Variants in WIZ observed in about 807,000 individuals in gnomAD.
WIZ encodes the protein protein Wiz.
WIZ carries 25 observed loss-of-function variants against 140.2 expected under a neutral mutation model. The observed-to-expected ratio is 0.18, with a 90% confidence interval of 0.13 to 0.25. The LOEUF (loss-of-function observed/expected upper bound fraction) is 0.25, where lower values mean the gene tolerates loss of function less well. WIZ is among the 10% of genes least tolerant of loss of function. The pLI, the probability that WIZ is intolerant of heterozygous loss-of-function variation, is 1.00. For missense variants in WIZ, 2,231 were observed against 2,632.6 expected (o/e 0.85, Z 3.34); for synonymous variants, 1,125 against 1,154.3 (o/e 0.97, Z 0.51).
Position 15,429,903 on chromosome 19 carries a change from G to A in WIZ, c.3098C>T (p.Pro1033Leu). The A allele has an allele frequency of 1.3e-6, 2 of 1,535,968 alleles. No individual in the cohort carries two copies. The highest frequency in any genetic ancestry group is 1.2e-5 in the South Asian group (1 of 84,064). ...GCTGGACTTCTTAGCCAGGCCTGGGGGCAGCCCAAGGTGGGCGTCAGGCAG... is the reference window on the plus strand; with the variant it reads ...GCTGGACTTCTTAGCCAGGCCTGGGAGCAGCCCAAGGTGGGCGTCAGGCAG... ...KGLPDAHLGLPPGLAKKSSSL... is the reference protein window; with the variant it reads ...KGLPDAHLGLLPGLAKKSSSL... The change falls in exon 7 of 13, where the codon CCC becomes CTC. Residue 1033 changes from proline (P) to leucine (L), a missense_variant. Around this residue, in one of 15 missense-constraint regions of WIZ, gnomAD observed 163 missense variants for 166.8 expected, o/e 0.98. Transcript: ENST00000673675.
chr19:15,429,733 G>T lies in WIZ; in HGVS notation c.3268C>A (p.Leu1090Ile), dbSNP rs1273353420. ...KGLGHPPSSPLLKKTPLALAG... is the reference protein window; with the variant it reads ...KGLGHPPSSPILKKTPLALAG... ...AGGGCCAGTGGTGTCTTTTTGAGGA[G>T]TGGAGAGCTGGGCGGGTGGCCCAGG... The change falls in exon 7 of 13, where the codon CTC becomes ATC. Residue 1090 changes from leucine (L) to isoleucine (I), a missense_variant. By Grantham distance (5) the Leu-to-Ile change is conservative (BLOSUM62 2). Transcript: ENST00000673675. 6.8e-7 allele frequency: 1 copy of T among 1,471,678 alleles called. No individual in the cohort carries two copies. The highest frequency in any genetic ancestry group is 2.4e-5 in the Admixed American group (1 of 40,968). The allele number at this position is 1,471,678 out of a possible 1,614,324, so 91.2% of individuals were successfully genotyped here.
intron 9 of WIZ, 101 bp downstream of exon 9, chr19:15,426,881 C>A: frequency 7.1e-7 from 1 of 1,405,262 alleles, no homozygotes; most frequent in Non-Finnish European, 9.6e-7. Flanking sequence ...TGCGTGTCCT[C>A]CCTTCCAATT....
rs1968928843 is a variant in WIZ, at chr19:15,427,616, G to A, written c.3815-83C>T. On this transcript the variant is annotated intron_variant, in intron 8 of 12. Coordinates refer to ENST00000673675, the MANE Select transcript of WIZ (RefSeq NM_001371589.1). This position sits in a 1 kb window ranked among gnomAD's most constrained non-coding sequence, Gnocchi z 6.4. Reference sequence around the variant, plus strand: ...GCAGGAGTGTCCTGGTCGGCTGGGCGTGGGCGGCAGCAGCACGCCCACAGG... The same window carrying A: ...GCAGGAGTGTCCTGGTCGGCTGGGCATGGGCGGCAGCAGCACGCCCACAGG... 6.9e-6 allele frequency: 10 copies of A among 1,451,526 alleles called. No individual in the cohort carries two copies. The highest frequency in any genetic ancestry group is 6.7e-5 in the Admixed American group (3 of 44,660). 89.9% of individuals were successfully genotyped at this position (1,451,526 alleles called of 1,614,324 possible). A position where few individuals can be genotyped will look rare whatever the true frequency, so the allele number is the denominator to read the frequency against.
chr19:15,434,540 G>A (rs1969446304), intron 5 of WIZ, among the ~76,000 whole-genome samples: 2 of 148,696 alleles, frequency 1.3e-5, no homozygotes, highest in South Asian at 4.2e-4. Flanking sequence ...TCCAGCCTGG[G>A]CGACAGAGCG....
intron 5 of WIZ, chr19:15,433,399 G>C (rs1347720465): frequency 1.0e-6 from 1 of 977,750 alleles, no homozygotes; most frequent in Non-Finnish European, 1.2e-6. Context: ...TAGGGAGAGG[G>C]GGCAGGCTTC....
In WIZ at chr19:15,436,871, C is replaced by CG; in HGVS notation, c.2674dup (p.Arg892ProfsTer14). 1 of 1,612,444 alleles carries CG rather than the reference C, an allele frequency of 6.2e-7. No individual in the cohort carries two copies. The highest frequency in any genetic ancestry group is 8.5e-7 in the Non-Finnish European group (1 of 1,179,380). ...TGGAAAGGGCACCGTGAGAGGTAAGCGGGGCCGACGGGAGGTCAGGAAGCT... is the reference window on the plus strand; with the variant it reads ...TGGAAAGGGCACCGTGAGAGGTAAGCGGGGGCCGACGGGAGGTCAGGAAGCT... On this transcript the variant is annotated frameshift_variant, in exon 5 of 13. Transcript: ENST00000673675. LOFTEE classifies it high-confidence loss of function.
intron 6 of WIZ, 136 bp from the exon 7 acceptor site, chr19:15,430,225 A>C: frequency 1.3e-5 from 16 of 1,264,980 alleles, no homozygotes; most frequent in African/African-American, 4.5e-5. Context: ...CCCAAACCTC[A>C]CAATGACCCT....
Position 15,430,977 on chromosome 19 carries a change from C to T in WIZ, c.2911+35G>A, listed in dbSNP as rs887589780. On this transcript the variant is annotated intron_variant, in intron 6 of 12. Coordinates refer to ENST00000673675, the MANE Select transcript of WIZ (RefSeq NM_001371589.1). ...GCTCCTGTGAGTGTAACCAGCCTGG[C>T]CAGCATCCCCTGCCATGCCACCTGG... 57 of 1,494,178 alleles carry T rather than the reference C, an allele frequency of 3.8e-5. No homozygotes were observed. In the African/African-American group the frequency reaches 6.8e-4, roughly 18 times the overall value. 92.6% of individuals were successfully genotyped at this position (1,494,178 alleles called of 1,614,324 possible). A position where few individuals can be genotyped will look rare whatever the true frequency, so the allele number is the denominator to read the frequency against.
At chr19:15,448,493 G>A (rs1408492583) in intron 1 of WIZ, 126 bp from the exon 2 acceptor site, 5 of 705,758 alleles carry the variant, frequency 7.1e-6, no homozygotes, top group Non-Finnish European at 1.2e-5. Context: ...CCAGCCCAGG[G>A]GAGCTAATGG....
At chr19:15,423,740 G>C (rs777417040) in intron 12 of WIZ, among the ~76,000 whole-genome samples, 3 of 152,258 alleles carry the variant, frequency 2.0e-5, no homozygotes, top group African/African-American at 4.8e-5. Context: ...CCAGTTCGCT[G>C]CTCTTCAATG....
chr19:15,441,175 C>T (rs1264472725), intron 3 of WIZ, among the ~76,000 whole-genome samples: 1 of 152,178 alleles, frequency 6.6e-6, no homozygotes, highest in Non-Finnish European at 1.5e-5. Context: ...AACTTTGTGG[C>T]AGAACAGTTC....
Position 15,428,205 on chromosome 19 carries a change from C to A in WIZ, c.3719G>T (p.Gly1240Val). Residue 1240 changes from glycine to valine, a missense_variant, in exon 8 of 13, where the codon GGT becomes GTT. Gly to Val is a moderately radical substitution (Grantham distance 109). This residue lies in a region of WIZ where 141 missense variants were observed against 161.2 expected (regional missense o/e 0.87). Transcript: ENST00000673675. The surrounding 1 kb of genome is among the most constrained non-coding windows in gnomAD (Gnocchi z 6.4). ...PAKKAKLKAA[G>V]MASPWGKQDL... ...CTGCTTCCCCCAGGGGCTGGCCATA[C>A]CCGCGGCCTTCAGCTTGGCCTTCTT... The A allele has an allele frequency of 2.6e-6, 4 of 1,533,928 alleles. No individual in the cohort carries two copies. The highest frequency in any genetic ancestry group is 2.6e-6 in the Non-Finnish European group (3 of 1,146,534).
At chr19:15,433,911 T>C in intron 5 of WIZ, among the ~76,000 whole-genome samples, 1 of 152,192 alleles carries the variant, frequency 6.6e-6, no homozygotes, top group Non-Finnish European at 1.5e-5. Context: ...TGGGTCTGAC[T>C]GAGCCCAGAG....
intron 5 of WIZ, among the ~76,000 whole-genome samples, chr19:15,434,123 T>C (rs1270446141): frequency 1.3e-5 from 2 of 151,656 alleles, no homozygotes; most frequent in Non-Finnish European, 2.9e-5. Context: ...CTGGGCATGG[T>C]GGTGGGCGCC....
rs866255281 is a variant in WIZ, at chr19:15,424,528, G to A, written c.5314+85C>T. On this transcript the variant is annotated intron_variant, in intron 11 of 12. Transcript: ENST00000673675. The surrounding 1 kb of genome is among the most constrained non-coding windows in gnomAD (Gnocchi z 9.7). ...TAAGCAACTGGAGAAAGGACTTAAG[G>A]GCCACAGCAGAGCGCCTGGGGAGTG... 254 of 1,530,928 alleles carry A rather than the reference G, an allele frequency of 1.7e-4. No homozygotes were observed. In the Middle Eastern group the frequency reaches 3.4e-3, roughly 20 times the overall value. The allele number at this position is 1,530,928 out of a possible 1,614,324, so 94.8% of individuals were successfully genotyped here.
chr19:15,432,451 G>GCGGGCC (rs1339738152), intron 5 of WIZ: 1 of 983,826 alleles, frequency 1.0e-6, no homozygotes, highest in Non-Finnish European at 1.2e-6. Context: ...GGGAGCGGAC[G>GCGGGCC]CGGGCCCGGG....
chr19:15,432,915 A>G (rs1969364013), intron 5 of WIZ, among the ~76,000 whole-genome samples: 4 of 151,812 alleles, frequency 2.6e-5, no homozygotes. Flanking sequence ...AGCTGCTGGA[A>G]GCTTGTCGCG....
Position 15,425,475 on chromosome 19 carries a change from G to GCCA in WIZ, c.4659_4660insTGG (p.Pro1553_Leu1554insTrp). 4.4e-6 allele frequency: 7 copies of GCCA among 1,602,394 alleles called. No individual in the cohort carries two copies. The highest frequency in any genetic ancestry group is 6.0e-6 in the Non-Finnish European group (7 of 1,174,586). On this transcript the variant is annotated inframe_insertion, in exon 10 of 13. Transcript: ENST00000673675. ...CCTGGTTTGCCTGGCCGGCCAGCCAGGGGCGACAGCGGCAGTGGGGACTGC... is the reference window on the plus strand; with the variant it reads ...CCTGGTTTGCCTGGCCGGCCAGCCAGCCAGGGCGACAGCGGCAGTGGGGACTGC...
intron 5 of WIZ, chr19:15,432,467 G>T (rs1599681349): frequency 1.0e-6 from 1 of 981,818 alleles, no homozygotes; most frequent in African/African-American, 1.8e-5. Flanking sequence ...CCGGGCCCCG[G>T]CTCCGGCTCG....
Sources: gnomAD v4.1 joint callset for allele counts (sites outside exome capture counted in the v4.1 genomes callset) on GRCh38, gnomAD v4.1.1 for gene constraint, gnomAD v4.1.1 regional missense constraint, Gnocchi (gnomAD v3.1) non-coding constraint, MANE v1.5 for transcripts, NCBI Gene and HGNC (gene_info 2026-07-23, HGNC 2026-07-21) for gene names.